CLSTN1: variants seen among roughly 807,000 people sequenced by gnomAD.
CLSTN1 encodes the protein calsyntenin 1.
In CLSTN1, 28 loss-of-function variants were observed where a neutral mutation model predicts 108.3. The observed-to-expected ratio is 0.26, with a 90% CI of 0.19 to 0.35. CLSTN1 has a LOEUF of 0.35. Ranked by LOEUF, CLSTN1 falls within the 10% of genes least tolerant of loss-of-function variation. The probability of loss-of-function intolerance (pLI) is 1.00; values close to 1 mark genes in which losing one functional copy is unlikely to be tolerated. For synonymous variants in CLSTN1, 524 were observed against 534.9 expected (o/e 0.98, Z 0.28); for missense variants, 1,157 against 1,302.6 (o/e 0.89, Z 1.72).
rs765828353 is a variant in CLSTN1, at chr1:9,733,536, G to A, written c.2292C>T (p.Thr764=). ...GCAAAACCTCCTCGTAGCTGGCCAT[G>A]GTGTCCACGCCTGCAGGGGTTGAAA... is the stretch of plus-strand genomic sequence containing the variant. ...ELGMTFTGVD[T]MASYEEVLHL... is the part of the protein sequence containing the mutation. The change falls in exon 16 of 19, where the codon ACC becomes ACT. Residue 764 remains threonine, a synonymous_variant. Transcript: ENST00000377298. The A allele has an allele frequency of 1.9e-6, 3 of 1,613,918 alleles. No individual in the cohort carries two copies. The highest frequency in any genetic ancestry group is 1.3e-5 in the African/African-American group (1 of 74,922).
intron 4 of CLSTN1, 116 bp from the exon 5 acceptor site, chr1:9,751,797 G>T: frequency 1.2e-6 from 1 of 816,004 alleles, no homozygotes; most frequent in Non-Finnish European, 1.9e-6. Flanking sequence ...TCCTGTTTCT[G>T]ATACCTTGTT....
rs145722225 is a variant in CLSTN1 at position 9,817,924 on chromosome 1, G to A, written c.91+5719C>T. Among the ~76,000 whole-genome samples, 491 of 152,058 alleles carry A rather than the reference G, an allele frequency of 3.2e-3. 5 individuals are homozygous for A. The highest frequency in any genetic ancestry group is 0.011 in the African/African-American group (475 of 41,490). ...GTATGTCAGGCTGACACAGTGGGGAGGCTGTCGCCATTTAAGGGTTCCTAT... is the reference window on the plus strand; with the variant it reads ...GTATGTCAGGCTGACACAGTGGGGAAGCTGTCGCCATTTAAGGGTTCCTAT... On this transcript the variant is annotated intron_variant, in intron 1 of 18. Coordinates refer to ENST00000377298, the MANE Select transcript of CLSTN1 (RefSeq NM_001009566.3).
At chr1:9,795,828 G>A (rs1162689659) in intron 1 of CLSTN1, among the ~76,000 whole-genome samples, 1 of 150,882 alleles carries the variant, frequency 6.6e-6, no homozygotes, top group Non-Finnish European at 1.5e-5. Flanking sequence ...GGTGGTGCAT[G>A]CCTATAGTCC....
chr1:9,762,460 CAAAA>C (rs534167959), intron 2 of CLSTN1, among the ~76,000 whole-genome samples: 2 of 120,364 alleles, frequency 1.7e-5, no homozygotes, highest in Admixed American at 8.6e-5. Context: ...GACTCTGTCT[CAAAA>C]AAAAAAAAAA....
chr1:9,750,404 C>T (rs377734420), intron 5 of CLSTN1, among the ~76,000 whole-genome samples: 2 of 152,094 alleles, frequency 1.3e-5, no homozygotes, highest in African/African-American at 4.8e-5. Flanking sequence ...GATTCTAGAC[C>T]GTGCATTGAT....
intron 1 of CLSTN1, among the ~76,000 whole-genome samples, chr1:9,805,212 T>C (rs1029435419): frequency 6.6e-6 from 1 of 152,226 alleles, no homozygotes; most frequent in African/African-American, 2.4e-5. Context: ...ATTTCGTTTT[T>C]AAGCAAGTAA....
At chr1:9,756,619 C>T in intron 2 of CLSTN1, 109 bp from the exon 3 acceptor site, 1 of 861,930 alleles carries the variant, frequency 1.2e-6, no homozygotes, top group Non-Finnish European at 1.9e-6. Flanking sequence ...CCACACCAAG[C>T]TCAGCGACCG....
chr1:9,809,062 T>C (rs1414481767), intron 1 of CLSTN1, among the ~76,000 whole-genome samples: 1 of 152,192 alleles, frequency 6.6e-6, no homozygotes, highest in East Asian at 1.9e-4. Flanking sequence ...GAAAACCTCA[T>C]ACGCAGAAAA....
At chr1:9,739,731 G>C (rs1206692365) in intron 10 of CLSTN1, among the ~76,000 whole-genome samples, 1 of 151,918 alleles carries the variant, frequency 6.6e-6, no homozygotes. Context: ...GTGGGTCTGA[G>C]TGTGGGCCCA....
chr1:9,804,991 G>A (rs1422429967), intron 1 of CLSTN1, among the ~76,000 whole-genome samples: 1 of 151,830 alleles, frequency 6.6e-6, no homozygotes. Context: ...GCGTGCTAGT[G>A]CATGCCTGTA....
chr1:9,782,728 C>G (rs760552810), intron 1 of CLSTN1, among the ~76,000 whole-genome samples: 24 of 152,318 alleles, frequency 1.6e-4, no homozygotes, highest in African/African-American at 5.8e-4. Context: ...AGACCCGGGC[C>G]GGGCGTGGTG....
At chr1:9,749,369 A>T in intron 7 of CLSTN1, 92 bp downstream of exon 7, 1 of 1,196,708 alleles carries the variant, frequency 8.4e-7, no homozygotes, top group Non-Finnish European at 1.2e-6. Flanking sequence ...GTTTATAATT[A>T]TGAACACAAC....
upstream of CLSTN1, chr1:9,824,389 G>A (rs1279515260): frequency 6.6e-6 from 1 of 152,108 alleles, no homozygotes; most frequent in Non-Finnish European, 1.5e-5. The surrounding 1 kb of genome is among the most constrained non-coding windows in gnomAD (Gnocchi z 5.0). Context: ...GCTCCGCCGA[G>A]GAGCGCAGAC....
chr1:9,815,685 C>T (rs1331811073), intron 1 of CLSTN1, among the ~76,000 whole-genome samples: 1 of 152,188 alleles, frequency 6.6e-6, no homozygotes, highest in Non-Finnish European at 1.5e-5. Flanking sequence ...CCTGTAATCC[C>T]GGCACTTTGG....
intron 1 of CLSTN1, among the ~76,000 whole-genome samples, chr1:9,804,138 G>A (rs961060144): frequency 6.6e-6 from 1 of 151,940 alleles, no homozygotes; most frequent in Non-Finnish European, 1.5e-5. Context: ...TGAGGCGGGC[G>A]GATCACGAGG....
chr1:9,762,560 C>T (rs936484274), intron 2 of CLSTN1, among the ~76,000 whole-genome samples: 4 of 145,422 alleles, frequency 2.8e-5, no homozygotes, highest in African/African-American at 1.0e-4. Flanking sequence ...CGGCTCCGCT[C>T]CACTCGGCCT....
At chr1:9,743,679 C>G (rs541905564) in intron 9 of CLSTN1, among the ~76,000 whole-genome samples, 1 of 152,088 alleles carries the variant, frequency 6.6e-6, no homozygotes, top group East Asian at 1.9e-4. Context: ...CCCCAAGTAG[C>G]CAGGACTACA....
At chr1:9,747,435 T>C (rs543937927) in intron 7 of CLSTN1, among the ~76,000 whole-genome samples, 34 of 152,262 alleles carry the variant, frequency 2.2e-4, no homozygotes, top group Non-Finnish European at 4.4e-4. Context: ...ATGCTCATCA[T>C]TGGACTGTGG....
chr1:9,792,719 C>A (rs1653823035), intron 1 of CLSTN1, among the ~76,000 whole-genome samples: 1 of 151,354 alleles, frequency 6.6e-6, no homozygotes, highest in Non-Finnish European at 1.5e-5. Context: ...GTCCCTGAAA[C>A]AAGAGCACGT....
Sources: gnomAD v4.1 joint callset for allele counts (sites outside exome capture counted in the v4.1 genomes callset) on GRCh38, gnomAD v4.1.1 for gene constraint, Gnocchi (gnomAD v3.1) non-coding constraint, MANE v1.5 for transcripts, NCBI Gene and HGNC (gene_info 2026-07-23, HGNC 2026-07-21) for gene names.